Variants in AP3S1 observed in about 807,000 individuals in gnomAD.
The protein encoded by AP3S1 is AP-3 complex subunit sigma-1.
AP3S1 carries 12 observed loss-of-function variants against 21.3 expected under a neutral mutation model. The observed-to-expected ratio is 0.56, with a 90% CI of 0.36 to 0.91. The LOEUF (loss-of-function observed/expected upper bound fraction) is 0.91. AP3S1 is among the 40% of genes least tolerant of loss of function. The pLI, the probability that AP3S1 is intolerant of heterozygous loss-of-function variation, is 0.01. For missense variants in AP3S1, 116 were observed against 225.0 expected, an observed-to-expected ratio of 0.52 and a Z score of 3.10; for synonymous variants, 48 against 78.4, an observed-to-expected ratio of 0.61 and a Z score of 2.05.
At chr5:115,890,624 A>C (rs923939270) in intron 3 of AP3S1, among the ~76,000 whole-genome samples, 3 of 152,224 alleles carry the variant, frequency 2.0e-5, no homozygotes, top group Non-Finnish European at 4.4e-5. Context: ...TTCTATGTGT[A>C]TGTTACACTT....
chr5:115,865,235 C>G (rs938548011), intron 1 of AP3S1, among the ~76,000 whole-genome samples: 5 of 152,004 alleles, frequency 3.3e-5, no homozygotes, highest in Non-Finnish European at 5.9e-5. Context: ...TGTTTCCACT[C>G]AGTGAATAGT....
In AP3S1 at chr5:115,868,976, AGGGAGG is replaced by A. The variant is rs1287701148; in HGVS notation, c.162-1039_162-1034del. Among the ~76,000 whole-genome samples the A allele has an allele frequency of 8.7e-4, 11 of 12,608 alleles. 1 individual carries two copies. The highest frequency in any genetic ancestry group is 0.036 in the Middle Eastern group (1 of 28). 8.3% of individuals were successfully genotyped at this position (12,608 alleles called of 152,430 possible). On this transcript the variant is annotated intron_variant, in intron 2 of 5. Transcript: ENST00000316788. ...AAGGGAGGGAGGGAGGGAGGGAGGG[AGGGAGG>A]GAGAGATGCCATTTTCCCATATTCT...
chr5:115,887,625 G>T lies in AP3S1; in HGVS notation c.274-7462G>T, dbSNP rs139240555. 5.1e-3 allele frequency among the ~76,000 whole-genome samples: 772 copies of T among 152,116 alleles called. 2 individuals carry two copies. The highest frequency in any genetic ancestry group is 7.3e-3 in the South Asian group (35 of 4,826). On this transcript the variant is annotated intron_variant, in intron 3 of 5. Transcript: ENST00000316788. ...GTGTTTTCTTTTGTGAGACATTGTT[G>T]TAAGCCCTTTATATTTATTCATTTA...
At chr5:115,870,230 A>G (rs1198243158) in intron 3 of AP3S1, 102 bp downstream of exon 3, 1 of 700,050 alleles carries the variant, frequency 1.4e-6, no homozygotes, top group African/African-American at 1.8e-5. Context: ...TTAGTAAGAA[A>G]TAAAGCATTT....
At chr5:115,847,858 A>G (rs1762172167) in intron 1 of AP3S1, among the ~76,000 whole-genome samples, 1 of 152,166 alleles carries the variant, frequency 6.6e-6, no homozygotes, top group South Asian at 2.1e-4. Flanking sequence ...GTAATATGCA[A>G]TACTGAACCT....
At chr5:115,849,860 T>A (rs144197587) in intron 1 of AP3S1, among the ~76,000 whole-genome samples, 1 of 151,790 alleles carries the variant, frequency 6.6e-6, no homozygotes, top group East Asian at 1.9e-4. Context: ...GAGTTGAGGC[T>A]ATGCTAGGCA....
chr5:115,842,467 C>G (rs561354059), intron 1 of AP3S1: 1 of 188,482 alleles, frequency 5.3e-6, no homozygotes, highest in African/African-American at 2.3e-5. Flanking sequence ...CAAGAGCCCA[C>G]CCCGCGCGGC....
At chr5:115,896,059 CTGAG>C (rs1750732891) in intron 4 of AP3S1, among the ~76,000 whole-genome samples, 1 of 152,088 alleles carries the variant, frequency 6.6e-6, no homozygotes, top group Admixed American at 6.5e-5. Flanking sequence ...GATTCAACTA[CTGAG>C]TAAGAGTCTG....
intron 3 of AP3S1, among the ~76,000 whole-genome samples, chr5:115,876,414 T>C (rs574624159): frequency 8.3e-4 from 126 of 152,292 alleles, no homozygotes; most frequent in Middle Eastern, 3.4e-3. Flanking sequence ...GTTATGTTGG[T>C]CTTTTTCTTT....
chr5:115,894,272 G>A (rs1356348319), intron 3 of AP3S1, among the ~76,000 whole-genome samples: 1 of 152,122 alleles, frequency 6.6e-6, no homozygotes, highest in Non-Finnish European at 1.5e-5. Context: ...TTTACCCTGG[G>A]GGTCAGTCAC....
chr5:115,911,964 A>G (rs1752147215), intron 5 of AP3S1: 1 of 151,896 alleles, frequency 6.6e-6, no homozygotes, highest in African/African-American at 2.4e-5. Context: ...CACTCTTATC[A>G]TTGCCTGTGT....
intron 1 of AP3S1, among the ~76,000 whole-genome samples, chr5:115,853,356 CT>C (rs1485865001): frequency 1.3e-5 from 2 of 152,196 alleles, no homozygotes; most frequent in Non-Finnish European, 2.9e-5. Flanking sequence ...TTAATATACT[CT>C]AAGTGCAGAT....
chr5:115,886,593 T>C, intron 3 of AP3S1, among the ~76,000 whole-genome samples: 1 of 152,216 alleles, frequency 6.6e-6, no homozygotes, highest in East Asian at 1.9e-4. Context: ...GTCGACTGTT[T>C]ATGTTATCGG....
At chr5:115,901,674 C>T (rs1751226417) in intron 4 of AP3S1, among the ~76,000 whole-genome samples, 1 of 151,788 alleles carries the variant, frequency 6.6e-6, no homozygotes, top group South Asian at 2.1e-4. Flanking sequence ...CCTGGGTCAG[C>T]CTCCCGAGTA....
intron 1 of AP3S1, among the ~76,000 whole-genome samples, chr5:115,850,930 T>G (rs1762396081): frequency 6.6e-6 from 1 of 152,132 alleles, no homozygotes; most frequent in South Asian, 2.1e-4. Flanking sequence ...TGATACTAAG[T>G]TGTCTGTCAG....
intron 3 of AP3S1, among the ~76,000 whole-genome samples, chr5:115,879,532 A>G (rs1270033178): frequency 6.6e-6 from 1 of 152,184 alleles, no homozygotes; most frequent in Admixed American, 6.5e-5. Context: ...CCAGCCTTGC[A>G]TCCCAGGGAT....
At chr5:115,863,621 C>G (rs1333481438) in intron 1 of AP3S1, among the ~76,000 whole-genome samples, 1 of 152,096 alleles carries the variant, frequency 6.6e-6, no homozygotes, top group African/African-American at 2.4e-5. Flanking sequence ...TATAGCTATG[C>G]CAGTGTGTGA....
At chr5:115,908,470 C>T (rs1480400317) in intron 5 of AP3S1, among the ~76,000 whole-genome samples, 1 of 152,112 alleles carries the variant, frequency 6.6e-6, no homozygotes, top group Non-Finnish European at 1.5e-5. Flanking sequence ...CCTTGACATA[C>T]ACATTTGTCT....
chr5:115,882,215 T>G (rs559138363), intron 3 of AP3S1, among the ~76,000 whole-genome samples: 1 of 152,240 alleles, frequency 6.6e-6, no homozygotes, highest in East Asian at 1.9e-4. Flanking sequence ...TTCATCAAAC[T>G]CATTCACCTT....
Sources: allele counts gnomAD v4.1 joint callset (sites outside exome capture counted in the v4.1 genomes callset), GRCh38; gene constraint gnomAD v4.1.1; transcripts MANE v1.5; gene names NCBI Gene and HGNC (gene_info 2026-07-23, HGNC 2026-07-21).